Variants in SLC39A11 observed in about 807,000 individuals in gnomAD.
SLC39A11 encodes solute carrier family 39 member 11.
Under a neutral mutation model 36.1 loss-of-function variants are expected in SLC39A11, and 33 were observed. The ratio of observed to expected loss-of-function variants is 0.91; its 90% confidence interval spans 0.69 to 1.22. The LOEUF (loss-of-function observed/expected upper bound fraction) is 1.22, where lower values mean the gene tolerates loss of function less well. Among genes scored for constraint, SLC39A11 ranks in the 50% most tolerant of loss-of-function variants. The pLI is 0.00. For missense variants in SLC39A11, 432 were observed against 430.3 expected (o/e 1.00, Z -0.03); for synonymous variants, 166 against 170.3 (o/e 0.97, Z 0.20).
At chr17:72,764,591 G>A (rs116894268) in intron 6 of SLC39A11, among the ~76,000 whole-genome samples, 162 of 152,130 alleles carry the variant, frequency 1.1e-3, no homozygotes, top group Middle Eastern at 3.4e-3. Context: ...AAACCTACAC[G>A]GCATGGTCAG....
rs114360869 is a variant in SLC39A11 at position 73,066,166 on chromosome 17, T to C, written c.147+18642A>G. Among the ~76,000 whole-genome samples, 1,269 of 152,164 alleles carry C rather than the reference T, an allele frequency of 8.3e-3. 21 individuals carry two copies. Among genetic ancestry groups the C allele is most frequent in the African/African-American group, 0.029 (1,208 of 41,524 alleles). On this transcript the variant is annotated intron_variant, in intron 3 of 9. Coordinates refer to ENST00000255559, the MANE Select transcript of SLC39A11 (RefSeq NM_139177.4). ...CCTTCTTGGAGCTCTTCCACTGCCA[T>C]GTAAAGAAGCCTAGGCTACACTACT...
intron 7 of SLC39A11, among the ~76,000 whole-genome samples, chr17:72,688,775 C>T (rs1034614415): frequency 2.6e-5 from 4 of 152,118 alleles, no homozygotes; most frequent in Admixed American, 2.6e-4. Context: ...ATCCCTGGAA[C>T]CAAATTGCTG....
At position 72,974,338 on chromosome 17, in the gene SLC39A11, G is replaced by A. The variant is rs947673958; in HGVS notation, c.307-26463C>T. On this transcript the variant is annotated intron_variant, in intron 4 of 9. Coordinates refer to ENST00000255559, the MANE Select transcript of SLC39A11 (RefSeq NM_139177.4). ...TGGTCTCTAAGTCTTGACCTCAGGT[G>A]ATCCACCCACCTTGGCCTCCCAAAG... 2.0e-5 allele frequency among the ~76,000 whole-genome samples: 3 copies of A among 150,276 alleles called. No individual in the cohort carries two copies. In the East Asian group the frequency reaches 5.9e-4, roughly 29 times the overall value.
rs57105900 is a variant in SLC39A11, at chr17:72,773,679, C to CACACACACACACACA, written c.602-36961_602-36960insTGTGTGTGTGTGTGT. On this transcript the variant is annotated intron_variant, in intron 6 of 9. Coordinates refer to ENST00000255559, the MANE Select transcript of SLC39A11 (RefSeq NM_139177.4). The stretch of plus-strand genomic sequence containing the variant: ...CACACACACACACACACACACACAC[C>CACACACACACACACA]CAGTATATAAAGGATATCAGTGTCA... 9.7e-3 allele frequency among the ~76,000 whole-genome samples: 1,419 copies of CACACACACACACACA among 145,824 alleles called. 47 individuals carry two copies. The highest frequency in any genetic ancestry group is 0.032 in the African/African-American group (1,250 of 39,038).
intron 3 of SLC39A11, among the ~76,000 whole-genome samples, chr17:73,036,895 C>T (rs962653304): frequency 6.6e-6 from 1 of 152,226 alleles, no homozygotes; most frequent in Non-Finnish European, 1.5e-5. Flanking sequence ...TTCATCCCTC[C>T]TTCCCCGCTA....
intron 5 of SLC39A11, among the ~76,000 whole-genome samples, chr17:72,867,463 G>A (rs1335519132): frequency 6.6e-6 from 1 of 152,160 alleles, no homozygotes; most frequent in Non-Finnish European, 1.5e-5. Flanking sequence ...TCGCGCCACT[G>A]TACTCCAGCC....
chr17:72,972,802 T>C (rs1357439821), intron 4 of SLC39A11, among the ~76,000 whole-genome samples: 1 of 152,192 alleles, frequency 6.6e-6, no homozygotes, highest in Non-Finnish European at 1.5e-5. Context: ...GAAATCACTG[T>C]GGTCATCACA....
intron 6 of SLC39A11, among the ~76,000 whole-genome samples, chr17:72,743,496 G>A (rs1157550235): frequency 1.3e-5 from 2 of 152,256 alleles, no homozygotes; most frequent in African/African-American, 2.4e-5. Flanking sequence ...TGGCCCTGGC[G>A]GGAGAGAACC....
intron 5 of SLC39A11, among the ~76,000 whole-genome samples, chr17:72,881,514 A>G (rs1451238805): frequency 5.3e-5 from 8 of 152,222 alleles, no homozygotes; most frequent in African/African-American, 1.9e-4. Flanking sequence ...TAGGATTTCC[A>G]GAGCCTCTAA....
chr17:72,711,434 G>C (rs897544108), intron 7 of SLC39A11, among the ~76,000 whole-genome samples: 1 of 152,170 alleles, frequency 6.6e-6, no homozygotes, highest in Non-Finnish European at 1.5e-5. Flanking sequence ...TACCACTGTG[G>C]ACCAAGGGGC....
At chr17:72,721,119 C>G (rs1005017757) in intron 7 of SLC39A11, among the ~76,000 whole-genome samples, 8 of 126,350 alleles carry the variant, frequency 6.3e-5, no homozygotes, top group African/African-American at 2.5e-4. Context: ...AGTTTTGAGA[C>G]AAGGTCTTGC....
intron 4 of SLC39A11, among the ~76,000 whole-genome samples, chr17:72,985,407 C>CTTTTTTTTTTTTTT (rs386386576): frequency 1.3e-5 from 1 of 78,932 alleles, no homozygotes; most frequent in Non-Finnish European, 2.3e-5. Context: ...TGGGGCCTGC[C>CTTTTTTTTTTTTTT]TTTTTTTTTT....
In SLC39A11 at chr17:72,862,355, A is replaced by C. The variant is rs117902243; in HGVS notation, c.431-12551T>G. On this transcript the variant is annotated intron_variant, in intron 5 of 9. Coordinates refer to ENST00000255559, the MANE Select transcript of SLC39A11 (RefSeq NM_139177.4). ...GTTGGTTCTGAGACAGGAGGAAAAA[A>C]ATAAATCAGAAATCAAACAGCATGG... Among the ~76,000 whole-genome samples, 163 of 152,340 alleles carry C rather than the reference A, an allele frequency of 1.1e-3. 2 individuals carry two copies. In the East Asian group the frequency reaches 0.023, roughly 22 times the overall value.
chr17:73,043,554 C>T (rs1027584764), intron 3 of SLC39A11, among the ~76,000 whole-genome samples: 1 of 152,146 alleles, frequency 6.6e-6, no homozygotes, highest in African/African-American at 2.4e-5. Context: ...GCATTAAGTA[C>T]CCACTGTCTT....
intron 3 of SLC39A11, among the ~76,000 whole-genome samples, chr17:73,036,756 T>A (rs1373038250): frequency 6.6e-6 from 1 of 152,190 alleles, no homozygotes; most frequent in African/African-American, 2.4e-5. Context: ...TGGTCCATAG[T>A]TTCCATTAGG....
intron 6 of SLC39A11, among the ~76,000 whole-genome samples, chr17:72,785,224 A>G (rs183300166): frequency 1.7e-4 from 26 of 152,258 alleles, no homozygotes; most frequent in Admixed American, 1.3e-3. Context: ...ATACATTTGG[A>G]GATGAAAAGA....
At chr17:72,899,319 T>A (rs938091829) in intron 5 of SLC39A11, among the ~76,000 whole-genome samples, 1 of 142,280 alleles carries the variant, frequency 7.0e-6, no homozygotes, top group African/African-American at 3.0e-5. Flanking sequence ...GGAGTCCACC[T>A]GCCAAACCCA....
intron 5 of SLC39A11, among the ~76,000 whole-genome samples, chr17:72,895,621 C>A (rs112657239): frequency 1.1e-3 from 166 of 152,144 alleles, no homozygotes; most frequent in African/African-American, 3.7e-3. Flanking sequence ...TGAAGACCCT[C>A]TAAACATGCT....
chr17:73,073,375 G>A (rs2060222933), intron 3 of SLC39A11, among the ~76,000 whole-genome samples: 1 of 152,084 alleles, frequency 6.6e-6, no homozygotes, highest in Non-Finnish European at 1.5e-5. Context: ...GGTTAGAGAG[G>A]GACCCTCCCC....
Sources: allele counts gnomAD v4.1 joint callset (sites outside exome capture counted in the v4.1 genomes callset), GRCh38; gene constraint gnomAD v4.1.1; transcripts MANE v1.5; gene names NCBI Gene and HGNC (gene_info 2026-07-23, HGNC 2026-07-21).